The following RSPH6A variants were observed in gnomAD, a reference collection of about 807,000 sequenced individuals.
RSPH6A encodes radial spoke head protein 6 homolog A.
In RSPH6A, 49 loss-of-function variants were observed where a neutral mutation model predicts 66.1. The observed-to-expected ratio is 0.74, with a 90% CI of 0.59 to 0.94. The LOEUF (loss-of-function observed/expected upper bound fraction) is 0.94. Ranked by LOEUF, RSPH6A falls within the 40% of genes least tolerant of loss-of-function variation. RSPH6A has a pLI of 0.00. For missense variants in RSPH6A, 977 were observed against 948.3 expected (o/e 1.03, Z -0.40); for synonymous variants, 419 against 402.4 (o/e 1.04, Z -0.49).
chr19:45,810,892 C>G, intron 1 of RSPH6A, 52 bp from the exon 2 acceptor site: 1 of 1,486,320 alleles, frequency 6.7e-7, no homozygotes, highest in Non-Finnish European at 9.2e-7. Context: ...ACTCAGCTCA[C>G]TGAGCTGGCT....
rs748570980 is a variant in RSPH6A at position 45,814,801 on chromosome 19, C to A, written c.376G>T (p.Gly126Cys). Residue 126 changes from glycine (G) to cysteine (C), a missense_variant, in exon 1 of 6, where the codon GGC becomes TGC. Gly to Cys is a radical substitution (Grantham distance 159). Transcript: ENST00000221538. ...TSLMLQRLQQ[G>C]QSSLFQQLDP... Reference sequence around the variant, plus strand: ...AGTTGCTGGAACAGGCTGCTTTGGCCCTGCTGGAGCCGCTGCAGCATTAGG... The same window carrying A: ...AGTTGCTGGAACAGGCTGCTTTGGCACTGCTGGAGCCGCTGCAGCATTAGG... 1 of 1,613,756 alleles carries A rather than the reference C, an allele frequency of 6.2e-7. No homozygotes were observed. Among genetic ancestry groups the A allele is most frequent in the Non-Finnish European group, 8.5e-7 (1 of 1,179,884 alleles).
chr19:45,796,369 G>A (rs1436873841), intron 5 of RSPH6A, among the ~76,000 whole-genome samples: 2 of 151,340 alleles, frequency 1.3e-5, no homozygotes, highest in African/African-American at 4.9e-5. Flanking sequence ...GGCCAGTGTG[G>A]TCTGGAACTC....
chr19:45,811,543 T>A (rs1185436575), intron 1 of RSPH6A, among the ~76,000 whole-genome samples: 1 of 151,262 alleles, frequency 6.6e-6, no homozygotes, highest in Non-Finnish European at 1.5e-5. Context: ...GTTCAAGCGA[T>A]TTTCCTGCCT....
In RSPH6A at chr19:45,813,976, T is replaced by C. The variant is rs568426508; in HGVS notation, c.650+551A>G. Among the ~76,000 whole-genome samples, 16 of 152,138 alleles carry C rather than the reference T, an allele frequency of 1.1e-4. No homozygotes were observed. In the South Asian group the frequency reaches 3.3e-3, roughly 32 times the overall value. ...GAGTTTGAGACTAGCCTGGGCAACA[T>C]GGTGAAATCTTGCCTCTACTAAAAA... is the stretch of plus-strand genomic sequence containing the variant. On this transcript the variant is annotated intron_variant, in intron 1 of 5. Transcript: ENST00000221538.
intron 5 of RSPH6A, 107 bp from the exon 6 acceptor site, chr19:45,796,213 G>A: frequency 1.2e-6 from 1 of 834,348 alleles, no homozygotes; most frequent in Non-Finnish European, 1.8e-6. Context: ...TAGTGCAGTG[G>A]TGTGATCTCG....
chr19:45,800,597 G>C, intron 4 of RSPH6A, 34 bp from the exon 5 acceptor site: 1 of 1,570,246 alleles, frequency 6.4e-7, no homozygotes. Flanking sequence ...GGGGCAGCAG[G>C]GTCAGGGAGG....
Position 45,814,935 on chromosome 19 carries a change from C to T in RSPH6A, c.242G>A (p.Arg81Gln), listed in dbSNP as rs766979187. 21 of 1,613,986 alleles carry T rather than the reference C, an allele frequency of 1.3e-5. No individual in the cohort carries two copies. The highest frequency in any genetic ancestry group is 1.5e-5 in the Non-Finnish European group (18 of 1,180,042). ...AGATGGGTACTCCATGCCACCCAGC[C>T]GGGCTTCCTCAGCCTGGAAGACCTG... ...MPQVFQAEEA[R>Q]LGGMEYPSVN... Residue 81 changes from arginine to glutamine, a missense_variant, in exon 1 of 6, where the codon CGG (arginine) becomes CAG (glutamine). Physicochemically the swap from Arg to Gln is conservative, Grantham distance 43. Transcript: ENST00000221538.
chr19:45,799,808 A>G (rs1314514793), intron 5 of RSPH6A, among the ~76,000 whole-genome samples: 1 of 152,146 alleles, frequency 6.6e-6, no homozygotes, highest in African/African-American at 2.4e-5. Flanking sequence ...GCACTTTGGG[A>G]GGCCAAGGCG....
Position 45,804,759 on chromosome 19 carries a change from C to T in RSPH6A, c.1146G>A (p.Glu382=). The T allele has an allele frequency of 1.2e-6, 2 of 1,612,858 alleles. No homozygotes were observed. Among genetic ancestry groups the T allele is most frequent in the Non-Finnish European group, 1.7e-6 (2 of 1,179,406 alleles). ...CCTCCTCGCCGTGCGCCTCCATGACCTCGCCACCTTCCGTCATCTCCTCCA... is the reference window on the plus strand; with the variant it reads ...CCTCCTCGCCGTGCGCCTCCATGACTTCGCCACCTTCCGTCATCTCCTCCA... ...EEVEEMTEGG[E]VMEAHGEEEG... is the part of the protein sequence containing the mutation. The change falls in exon 3 of 6, where the codon GAG becomes GAA. Residue 382 remains glutamate, a synonymous_variant. Coordinates refer to ENST00000221538, the MANE Select transcript of RSPH6A (RefSeq NM_030785.4). The surrounding 1 kb of genome is among the most constrained non-coding windows in gnomAD (Gnocchi z 5.8).
intron 3 of RSPH6A, among the ~76,000 whole-genome samples, chr19:45,802,619 C>T (rs1375777247): frequency 5.3e-5 from 8 of 150,314 alleles, no homozygotes; most frequent in African/African-American, 1.7e-4. Flanking sequence ...GATTCTCCTG[C>T]GTCAGCCTCC....
chr19:45,811,068 A>C, intron 1 of RSPH6A: 1 of 343,444 alleles, frequency 2.9e-6, no homozygotes, highest in Non-Finnish European at 5.2e-6. Context: ...ATCTCGGCTC[A>C]CTGCAACCTC....
At chr19:45,808,718 G>A (rs796587445) in intron 2 of RSPH6A, among the ~76,000 whole-genome samples, 42 of 143,510 alleles carry the variant, frequency 2.9e-4, no homozygotes, top group Non-Finnish European at 5.4e-4. Flanking sequence ...CTGGAGTACA[G>A]AGGCTCAATC....
intron 4 of RSPH6A, among the ~76,000 whole-genome samples, 171 bp from the exon 5 acceptor site, chr19:45,800,734 AC>A (rs1182047587): frequency 3.3e-4 from 8 of 24,588 alleles, no homozygotes; most frequent in African/African-American, 5.8e-4. Context: ...TGCAGACCAC[AC>A]ACACACACAC....
chr19:45,804,245 C>A lies in RSPH6A; in HGVS notation c.1653+7G>T, dbSNP rs199620544. ...CGTTTGTGAGAGGCGGGAGTCCCGG[C>A]GCTCACCTGCGGCAGGATGTGCTGT... On this transcript the variant is annotated splice_region_variant and intron_variant, in intron 3 of 5. Transcript: ENST00000221538. This position sits in a 1 kb window ranked among gnomAD's most constrained non-coding sequence, Gnocchi z 5.8. The A allele has an allele frequency of 3.1e-6, 5 of 1,592,554 alleles. No individual in the cohort carries two copies. Among genetic ancestry groups the A allele is most frequent in the East Asian group, 2.2e-5 (1 of 44,494 alleles).
Position 45,815,292 on chromosome 19 carries a change from TGGAGGGCGCGG to T in RSPH6A, c.-127_-117del. 8.0e-7 allele frequency: 1 copy of T among 1,246,212 alleles called. No homozygotes were observed. Among genetic ancestry groups the T allele is most frequent in the Non-Finnish European group, 1.1e-6 (1 of 927,092 alleles). The allele number at this position is 1,246,212 out of a possible 1,614,324, so 77.2% of individuals were successfully genotyped here. A position where few individuals can be genotyped will look rare whatever the true frequency, so the allele number is the denominator to read the frequency against. ...CACCGAGAGAGGGGGCCGTTACCCG[TGGAGGGCGCGG>T]GGAGCGGGCCAGGGTGGGTTCCGCG... On this transcript the variant is annotated 5_prime_UTR_variant, in exon 1 of 6. Coordinates refer to ENST00000221538, the MANE Select transcript of RSPH6A (RefSeq NM_030785.4).
At chr19:45,805,535 T>C (rs909092924) in intron 2 of RSPH6A, among the ~76,000 whole-genome samples, 68 of 151,904 alleles carry the variant, frequency 4.5e-4, no homozygotes, top group African/African-American at 1.2e-3. Flanking sequence ...CTACAAAAAA[T>C]ACAAAAATTA....
At chr19:45,800,295 A>G (rs1243961604) in intron 5 of RSPH6A, 151 bp downstream of exon 5, 11 of 635,606 alleles carry the variant, frequency 1.7e-5, no homozygotes, top group Non-Finnish European at 3.0e-5. Context: ...GCCCTGGTGA[A>G]ACTCCTAGGA....
At chr19:45,801,814 T>C (rs551850248) in intron 4 of RSPH6A, among the ~76,000 whole-genome samples, 141 of 118,606 alleles carry the variant, frequency 1.2e-3, no homozygotes, top group African/African-American at 3.3e-3. Context: ...CACACACACA[T>C]ACACACACAT....
At chr19:45,809,622 G>A (rs36091860) in intron 2 of RSPH6A, among the ~76,000 whole-genome samples, 48,382 of 152,058 alleles carry the variant, frequency 0.32, 7,880 homozygotes, top group Non-Finnish European at 0.35. Context: ...TCAAAACAGA[G>A]GTTCAGTGAT....
Sources: allele counts gnomAD v4.1 joint callset (sites outside exome capture counted in the v4.1 genomes callset), GRCh38; gene constraint gnomAD v4.1.1; non-coding constraint Gnocchi (gnomAD v3.1); transcripts MANE v1.5; gene names NCBI Gene and HGNC (gene_info 2026-07-23, HGNC 2026-07-21).